The following MYH13 variants were observed in gnomAD, a reference collection of about 807,000 sequenced individuals.
MYH13 encodes myosin heavy chain 13, also known as myosin-13.
Under a neutral mutation model 232.1 loss-of-function variants are expected in MYH13, and 177 were observed. The ratio of observed to expected loss-of-function variants is 0.76; its 90% CI spans 0.67 to 0.86. MYH13 has a LOEUF of 0.86. MYH13 is among the 40% of genes least tolerant of loss of function. MYH13 has a pLI of 0.00. For missense variants in MYH13, 2,246 were observed against 2,405.9 expected, an observed-to-expected ratio of 0.93 and a Z score of 1.39; for synonymous variants, 884 against 923.5, an observed-to-expected ratio of 0.96 and a Z score of 0.78.
At position 10,313,230 on chromosome 17, in the gene MYH13, C is replaced by G; in HGVS notation, c.4109G>C (p.Ser1370Thr). 1 of 1,614,246 alleles carries G rather than the reference C, an allele frequency of 6.2e-7. No homozygotes were observed. The highest frequency in any genetic ancestry group is 1.6e-4 in the Middle Eastern group (1 of 6,062). The part of the protein sequence containing the change: ...ELQRALSKAN[S>T]EVAQWRTKYE... ...TTTGGTCCTCCACTGGGCAACCTCA[C>G]TGTTGGCCTTGGACAGCGCCCTCTG... is the stretch of plus-strand genomic sequence containing the variant. The change falls in exon 30 of 41, where the codon AGT (serine) becomes ACT (threonine). Residue 1370 changes from serine to threonine, a missense_variant. Coordinates refer to ENST00000252172, the MANE Select transcript of MYH13 (RefSeq NM_003802.3).
At position 10,311,246 on chromosome 17, in the gene MYH13, A is replaced by G; in HGVS notation, c.4532-19T>C. Reference sequence around the variant, plus strand: ...ATCTCTTCTGCAAAGGACAGGCTTGATTTAGGCTGTTTCAACAGGCTCCAG... The same window carrying G: ...ATCTCTTCTGCAAAGGACAGGCTTGGTTTAGGCTGTTTCAACAGGCTCCAG... On this transcript the variant is annotated intron_variant, in intron 32 of 40. Transcript: ENST00000252172. The G allele has an allele frequency of 6.2e-7, 1 of 1,613,414 alleles. No homozygotes were observed. Among genetic ancestry groups the G allele is most frequent in the Non-Finnish European group, 8.5e-7 (1 of 1,179,764 alleles).
rs746555227 is a variant in MYH13, at chr17:10,343,308, C to T, written c.1894+492G>A. 8.6e-5 allele frequency among the ~76,000 whole-genome samples: 13 copies of T among 151,986 alleles called. 1 individual carries two copies. The highest frequency in any genetic ancestry group is 1.5e-4 in the African/African-American group (6 of 41,352). On this transcript the variant is annotated intron_variant, in intron 16 of 40. Coordinates refer to ENST00000252172, the MANE Select transcript of MYH13 (RefSeq NM_003802.3). Reference sequence around the variant, plus strand: ...TGCTTCCTAGGTTAAAGCAATTCTCCGGCCTCAGCTGCCTGAGTATCTGGG... The same window carrying T: ...TGCTTCCTAGGTTAAAGCAATTCTCTGGCCTCAGCTGCCTGAGTATCTGGG...
chr17:10,359,765 G>C (rs558030682), intron 7 of MYH13, among the ~76,000 whole-genome samples, 195 bp downstream of exon 7: 2 of 152,176 alleles, frequency 1.3e-5, no homozygotes, highest in African/African-American at 2.4e-5. Flanking sequence ...CAGAGAATTA[G>C]AGAATTGTTT....
intron 18 of MYH13, among the ~76,000 whole-genome samples, chr17:10,334,991 T>C (rs2071562408): frequency 6.6e-6 from 1 of 152,208 alleles, no homozygotes; most frequent in Non-Finnish European, 1.5e-5. Context: ...CAGATGATGA[T>C]TCTGAGTGGT....
chr17:10,361,124 T>C (rs2071789056), intron 5 of MYH13, among the ~76,000 whole-genome samples: 1 of 152,184 alleles, frequency 6.6e-6, no homozygotes, highest in Non-Finnish European at 1.5e-5. Context: ...AATTGTGGTA[T>C]TAGTCTTCCC....
intron 27 of MYH13, among the ~76,000 whole-genome samples, chr17:10,316,245 G>T (rs1906708755): frequency 6.6e-6 from 1 of 152,230 alleles, no homozygotes. Context: ...TGGATCACCT[G>T]AGGTCAGGAG....
At chr17:10,327,747 A>G (rs946283468) in intron 22 of MYH13, 119 bp downstream of exon 22, 67 of 1,306,582 alleles carry the variant, frequency 5.1e-5, no homozygotes, top group Middle Eastern at 2.7e-4. Context: ...AATACTCCAC[A>G]TGACCACTGG....
At chr17:10,366,572 G>C (rs1346908141) in intron 2 of MYH13, among the ~76,000 whole-genome samples, 1 of 151,824 alleles carries the variant, frequency 6.6e-6, no homozygotes, top group Non-Finnish European at 1.5e-5. Context: ...GTAGAGATGG[G>C]GTTTTGCCAT....
At chr17:10,323,689 G>A (rs1210437146) in intron 23 of MYH13, among the ~76,000 whole-genome samples, 4 of 150,400 alleles carry the variant, frequency 2.7e-5, no homozygotes, top group Non-Finnish European at 4.4e-5. Context: ...AACCTGGGAG[G>A]CGGAGGTTGC....
chr17:10,332,598 C>T (rs1048947931), intron 19 of MYH13, among the ~76,000 whole-genome samples: 8 of 152,304 alleles, frequency 5.3e-5, no homozygotes, highest in East Asian at 1.9e-4. Flanking sequence ...GGACAAGGCC[C>T]GGACTTGTGC....
At position 10,343,831 on chromosome 17, in the gene MYH13, G is replaced by A; in HGVS notation, c.1863C>T (p.Phe621=). 1 of 1,607,778 alleles carries A rather than the reference G, an allele frequency of 6.2e-7. No homozygotes were observed. Among genetic ancestry groups the A allele is most frequent in the South Asian group, 1.1e-5 (1 of 90,684 alleles). Residue 621 remains phenylalanine, a synonymous_variant, in exon 16 of 41, where the codon TTC becomes TTT. Transcript: ENST00000252172. ...YQKSSLKLLS[F]LFSNYAGAET... ...CTGCACCAGCATAGTTGGAAAAAAG[G>A]AAGGAGAGAAGCTTCAGCGAAGACT...
chr17:10,312,891 G>T, intron 30 of MYH13, 134 bp from the exon 31 acceptor site: 1 of 1,163,842 alleles, frequency 8.6e-7, no homozygotes, highest in Non-Finnish European at 1.2e-6. Flanking sequence ...GATTTGGTGA[G>T]TGGGGAGGAT....
Position 10,324,337 on chromosome 17 carries a change from T to C in MYH13, c.2692-73A>G, listed in dbSNP as rs555412519. The C allele has an allele frequency of 3.8e-6, 6 of 1,569,522 alleles. No homozygotes were observed. The South Asian group carries it at 5.9e-5, about 15-fold the overall frequency. On this transcript the variant is annotated intron_variant, in intron 22 of 40. Transcript: ENST00000252172. ...GCTACAAAGAAAGGGTATCACCCTC[T>C]AAAAGCTTATTATCTACACCTAAGC...
Position 10,312,694 on chromosome 17 carries a change from G to A in MYH13, c.4245C>T (p.Cys1415=), listed in dbSNP as rs368930513. The A allele has an allele frequency of 8.1e-6, 13 of 1,613,394 alleles. No homozygotes were observed. The highest frequency in any genetic ancestry group is 8.0e-5 in the African/African-American group (6 of 74,858). ...TCTGCTTGGTTTTCTCCAACGATGC[G>A]CACTTGGAGTTCGCCGTCTCCGTGT... ...EENTETANSK[C]ASLEKTKQRL... The change falls in exon 31 of 41, where the codon TGC becomes TGT. Residue 1415 remains cysteine, a synonymous_variant. Transcript: ENST00000252172.
At position 10,324,014 on chromosome 17, in the gene MYH13, T is replaced by C. The variant is rs1567661583; in HGVS notation, c.2934+8A>G. On this transcript the variant is annotated splice_region_variant and intron_variant, in intron 23 of 40. Transcript: ENST00000252172. ...AAGACACTGTGGGAGTCCCTTGGGT[T>C]TGCTCACCTTGTTCTCTGTGGCATG... 6.2e-7 allele frequency: 1 copy of C among 1,613,500 alleles called. No homozygotes were observed. Among genetic ancestry groups the C allele is most frequent in the African/African-American group, 1.3e-5 (1 of 74,856 alleles).
intron 11 of MYH13, among the ~76,000 whole-genome samples, chr17:10,351,065 C>CA (rs1222802660): frequency 2.6e-5 from 4 of 151,600 alleles, no homozygotes; most frequent in Non-Finnish European, 5.9e-5. Flanking sequence ...ACTAAAAATA[C>CA]AAAAAATTAG....
chr17:10,357,908 C>T (rs561550451), intron 7 of MYH13, 81 bp from the exon 8 acceptor site: 3 of 1,292,526 alleles, frequency 2.3e-6, no homozygotes, highest in Admixed American at 3.6e-5. Flanking sequence ...ACGGTGGGTA[C>T]TCTGGGCAGG....
intron 5 of MYH13, among the ~76,000 whole-genome samples, 193 bp from the exon 6 acceptor site, chr17:10,360,381 A>T (rs997307659): frequency 2.6e-5 from 4 of 152,234 alleles, no homozygotes; most frequent in African/African-American, 4.8e-5. Flanking sequence ...GATGTGCAAC[A>T]TGACCAGCCT....
chr17:10,331,536 A>G (rs1235703395), intron 20 of MYH13, among the ~76,000 whole-genome samples: 3 of 152,170 alleles, frequency 2.0e-5, no homozygotes, highest in African/African-American at 7.2e-5. Context: ...GGCTTCTCAC[A>G]GGGCTGATAC....
Sources: allele counts gnomAD v4.1 joint callset (sites outside exome capture counted in the v4.1 genomes callset), GRCh38; gene constraint gnomAD v4.1.1; transcripts MANE v1.5; gene names NCBI Gene and HGNC (gene_info 2026-07-23, HGNC 2026-07-21).